SPAG16: variants seen among roughly 807,000 people sequenced by gnomAD.
The protein encoded by SPAG16 is sperm associated antigen 16.
Under a neutral mutation model 80.4 loss-of-function variants are expected in SPAG16, and 86 were observed. The observed-to-expected ratio is 1.07, with a 90% confidence interval of 0.90 to 1.28. SPAG16 has a LOEUF of 1.28. SPAG16 is among the 50% of genes most tolerant of loss of function. The pLI is 0.00. For synonymous variants in SPAG16, 294 were observed against 265.9 expected, an observed-to-expected ratio of 1.11 and a Z score of -1.03; for missense variants, 870 against 765.3, an observed-to-expected ratio of 1.14 and a Z score of -1.61.
In SPAG16 at chr2:214,174,725, G is replaced by A. The variant is rs1559105165; in HGVS notation, c.1720+25459G>A. On this transcript the variant is annotated intron_variant, in intron 15 of 15. Coordinates refer to ENST00000331683, the MANE Select transcript of SPAG16 (RefSeq NM_024532.5). Reference sequence around the variant, plus strand: ...TATTTCAGTAGCCCAGGATGGCAAAGGCTGTTCCATTTTCAGTATTTAGCT... The same window carrying A: ...TATTTCAGTAGCCCAGGATGGCAAAAGCTGTTCCATTTTCAGTATTTAGCT... 2.0e-5 allele frequency among the ~76,000 whole-genome samples: 3 copies of A among 151,790 alleles called. No homozygotes were observed. In the South Asian group the frequency reaches 6.2e-4, roughly 31 times the overall value.
At chr2:213,506,605 A>C (rs1318889927) in intron 10 of SPAG16, among the ~76,000 whole-genome samples, 2 of 152,148 alleles carry the variant, frequency 1.3e-5, no homozygotes, top group East Asian at 1.9e-4. Flanking sequence ...ACTGAGGTTT[A>C]TTAAATGATT....
At chr2:213,345,911 T>C (rs2064955315) in intron 6 of SPAG16, among the ~76,000 whole-genome samples, 2 of 152,230 alleles carry the variant, frequency 1.3e-5, no homozygotes, top group Admixed American at 1.3e-4. Flanking sequence ...TTTCCAGTTC[T>C]GTGAAGAAAG....
intron 5 of SPAG16, among the ~76,000 whole-genome samples, chr2:213,327,874 A>G (rs1575211758): frequency 6.6e-6 from 1 of 152,120 alleles, no homozygotes; most frequent in Non-Finnish European, 1.5e-5. Context: ...TGAAATGATG[A>G]TGATGATTAT....
At chr2:213,547,191 T>G (rs1268244862) in intron 10 of SPAG16, among the ~76,000 whole-genome samples, 1 of 152,120 alleles carries the variant, frequency 6.6e-6, no homozygotes, top group East Asian at 1.9e-4. Flanking sequence ...TTTCTTCCTA[T>G]CATTGACAAA....
intron 9 of SPAG16, among the ~76,000 whole-genome samples, chr2:213,470,856 G>C (rs1304215913): frequency 1.3e-5 from 2 of 152,182 alleles, no homozygotes; most frequent in East Asian, 3.8e-4. Flanking sequence ...TCACAGTTTT[G>C]ACCACTTAGA....
chr2:213,817,583 A>G (rs1173662375), intron 10 of SPAG16, among the ~76,000 whole-genome samples: 1 of 152,144 alleles, frequency 6.6e-6, no homozygotes, highest in African/African-American at 2.4e-5. Flanking sequence ...GAATCAACCT[A>G]GGTGCCCATC....
chr2:213,300,623 C>T (rs1172880558), intron 3 of SPAG16, among the ~76,000 whole-genome samples: 2 of 152,126 alleles, frequency 1.3e-5, no homozygotes, highest in Non-Finnish European at 2.9e-5. Context: ...AACAGTGTCA[C>T]TCTTCTCATT....
Position 213,799,292 on chromosome 2 carries a change from A to G in SPAG16, c.1071-63193A>G, listed in dbSNP as rs185427488. Among the ~76,000 whole-genome samples, 45 of 152,212 alleles carry G rather than the reference A, an allele frequency of 3.0e-4. 1 individual carries two copies. The highest frequency in any genetic ancestry group is 1.1e-3 in the African/African-American group (44 of 41,566). ...CGAGTATAAATTTTTCACTTATTTTATTAAATTTATTCCTAAATATTTTAT... is the reference window on the plus strand; with the variant it reads ...CGAGTATAAATTTTTCACTTATTTTGTTAAATTTATTCCTAAATATTTTAT... On this transcript the variant is annotated intron_variant, in intron 10 of 15. Coordinates refer to ENST00000331683, the MANE Select transcript of SPAG16 (RefSeq NM_024532.5).
chr2:214,041,402 CTT>C (rs939033635), intron 13 of SPAG16, among the ~76,000 whole-genome samples: 1 of 147,530 alleles, frequency 6.8e-6, no homozygotes, highest in African/African-American at 2.5e-5. Flanking sequence ...AACAAAGACT[CTT>C]TGCACTTCTA....
intron 14 of SPAG16, among the ~76,000 whole-genome samples, chr2:214,118,687 C>T (rs947176885): frequency 3.9e-5 from 6 of 152,104 alleles, no homozygotes; most frequent in African/African-American, 1.4e-4. Context: ...TTACTTCCCA[C>T]CCATCCCTCC....
At chr2:214,138,721 A>G (rs920725007) in intron 14 of SPAG16, among the ~76,000 whole-genome samples, 3 of 152,160 alleles carry the variant, frequency 2.0e-5, no homozygotes, top group Admixed American at 6.6e-5. Flanking sequence ...TTACACATGT[A>G]TATGCATATT....
chr2:213,894,464 G>A (rs542261528), intron 11 of SPAG16, among the ~76,000 whole-genome samples: 10 of 152,104 alleles, frequency 6.6e-5, no homozygotes, highest in African/African-American at 2.2e-4. Flanking sequence ...GGCTGCATAT[G>A]ACAAGCCCAT....
chr2:213,382,894 T>C (rs1321902542), intron 9 of SPAG16, among the ~76,000 whole-genome samples: 1 of 152,196 alleles, frequency 6.6e-6, no homozygotes, highest in Admixed American at 6.5e-5. Flanking sequence ...TAGAAAGTTT[T>C]CTGCTGCCTT....
chr2:213,284,557 C>A lies in SPAG16; in HGVS notation c.74C>A (p.Ala25Glu). The A allele has an allele frequency of 6.2e-7, 1 of 1,605,782 alleles. No individual in the cohort carries two copies. The change falls in exon 1 of 16, where the codon GCA becomes GAA. Residue 25 changes from alanine to glutamate, a missense_variant. Transcript: ENST00000331683. ...LEEALGMGLT[A>E]AGDARDTADA... ...GAGGCGTTGGGCATGGGTTTGACGG[C>A]AGCCGGGGACGCGAGGGACACGGCG...
chr2:213,551,839 G>T (rs1575941362), intron 10 of SPAG16, among the ~76,000 whole-genome samples: 1 of 152,144 alleles, frequency 6.6e-6, no homozygotes, highest in Non-Finnish European at 1.5e-5. Flanking sequence ...AATAATGCCA[G>T]AACCTTGCCT....
intron 15 of SPAG16, among the ~76,000 whole-genome samples, chr2:214,274,188 G>C (rs1199029064): frequency 6.6e-6 from 1 of 152,186 alleles, no homozygotes; most frequent in Non-Finnish European, 1.5e-5. Flanking sequence ...AGCTTAAGGA[G>C]ATTTTGCGCT....
chr2:214,401,039 GC>G (rs1431332284), intron 15 of SPAG16, among the ~76,000 whole-genome samples: 4 of 151,904 alleles, frequency 2.6e-5, no homozygotes, highest in Admixed American at 6.6e-5. Flanking sequence ...AGTTAAATTC[GC>G]AAGCAATATT....
intron 10 of SPAG16, among the ~76,000 whole-genome samples, chr2:213,719,753 T>G (rs900977160): frequency 6.6e-6 from 1 of 152,148 alleles, no homozygotes; most frequent in Non-Finnish European, 1.5e-5. Context: ...TATAAATTAG[T>G]TCAATGATTG....
chr2:214,293,252 C>T (rs527453223), intron 15 of SPAG16, among the ~76,000 whole-genome samples: 24 of 152,268 alleles, frequency 1.6e-4, no homozygotes, highest in Admixed American at 7.2e-4. Context: ...GGTAGCACAA[C>T]TCAGTGGAAC....
Sources: gnomAD v4.1 joint callset for allele counts (sites outside exome capture counted in the v4.1 genomes callset) on GRCh38, gnomAD v4.1.1 for gene constraint, MANE v1.5 for transcripts, NCBI Gene and HGNC (gene_info 2026-07-23, HGNC 2026-07-21) for gene names.